Variants in GPC5 observed in about 807,000 individuals in gnomAD.
GPC5 encodes glypican-5.
GPC5 carries 47 observed loss-of-function variants against 53.9 expected under a neutral mutation model. The ratio of observed to expected loss-of-function variants is 0.87; its 90% confidence interval spans 0.69 to 1.11. The LOEUF is 1.11. GPC5 is among the 50% of genes most tolerant of loss of function. The probability of loss-of-function intolerance (pLI) is 0.00; values close to 1 mark genes in which losing one functional copy is unlikely to be tolerated. For missense variants in GPC5, 748 were observed against 713.1 expected, an observed-to-expected ratio of 1.05 and a Z score of -0.56; for synonymous variants, 286 against 263.3, an observed-to-expected ratio of 1.09 and a Z score of -0.84.
intron 1 of GPC5, among the ~76,000 whole-genome samples, chr13:91,431,453 A>C (rs1879442812): frequency 6.6e-6 from 1 of 152,214 alleles, no homozygotes; most frequent in African/African-American, 2.4e-5. Flanking sequence ...AAAATAATTA[A>C]AACAGAAAAT....
intron 7 of GPC5, among the ~76,000 whole-genome samples, chr13:92,726,381 GTGTT>G (rs1370937914): frequency 6.6e-6 from 1 of 151,070 alleles, no homozygotes; most frequent in Non-Finnish European, 1.5e-5. Context: ...CTATTTTTTT[GTGTT>G]TGTTTATTGT....
intron 2 of GPC5, among the ~76,000 whole-genome samples, chr13:91,584,514 CT>C (rs1167310042): frequency 6.6e-6 from 1 of 151,732 alleles, no homozygotes; most frequent in African/African-American, 2.4e-5. Flanking sequence ...ATAAGGAATA[CT>C]TTTTTTAGAA....
chr13:92,720,608 T>G (rs566206194), intron 7 of GPC5, among the ~76,000 whole-genome samples: 1 of 152,222 alleles, frequency 6.6e-6, no homozygotes, highest in African/African-American at 2.4e-5. Context: ...AGGAAAAAAT[T>G]GATGTTACAT....
At chr13:92,729,210 A>G (rs2139296922) in intron 7 of GPC5, among the ~76,000 whole-genome samples, 1 of 151,442 alleles carries the variant, frequency 6.6e-6, no homozygotes, top group African/African-American at 2.4e-5. Flanking sequence ...ACTTTCTCTG[A>G]ATTCCCTAAG....
chr13:92,821,349 G>A (rs988450050), intron 7 of GPC5, among the ~76,000 whole-genome samples: 11 of 152,076 alleles, frequency 7.2e-5, no homozygotes, highest in Non-Finnish European at 1.5e-4. Context: ...AATTATGCAT[G>A]CATTTCCTCT....
chr13:92,766,294 C>T (rs1438125063), intron 7 of GPC5, among the ~76,000 whole-genome samples: 2 of 152,084 alleles, frequency 1.3e-5, no homozygotes, highest in African/African-American at 4.8e-5. Flanking sequence ...TCCACCCACC[C>T]ACCCACACCA....
At chr13:92,698,365 G>A (rs1006284197) in intron 7 of GPC5, among the ~76,000 whole-genome samples, 5 of 151,642 alleles carry the variant, frequency 3.3e-5, no homozygotes, top group Non-Finnish European at 5.9e-5. Flanking sequence ...CCCTTCCTGT[G>A]TCCATGTGTT....
rs146573106 is a variant in GPC5, at chr13:91,678,151, G to A, written c.326-15036G>A. Among the ~76,000 whole-genome samples the A allele has an allele frequency of 5.1e-3, 773 of 152,194 alleles. 5 individuals are homozygous for A. Among genetic ancestry groups the A allele is most frequent in the Non-Finnish European group, 7.3e-3 (495 of 68,002 alleles). ...TATTTATTAAACTGTCTGTAACTTC[G>A]GAGTGAATACTTTCAATTCATTTCT... On this transcript the variant is annotated intron_variant, in intron 2 of 7. Transcript: ENST00000377067.
rs191824187 is a variant in GPC5, at chr13:92,017,957, G to A, written c.1401+109900G>A. On this transcript the variant is annotated intron_variant, in intron 6 of 7. Transcript: ENST00000377067. ...ACAAAATGCACACATACACATGCAC[G>A]AGTACATACACGTGCAGCACGAGTA... 2.9e-4 allele frequency among the ~76,000 whole-genome samples: 44 copies of A among 150,590 alleles called. 1 individual carries two copies. The highest frequency in any genetic ancestry group is 1.0e-3 in the African/African-American group (42 of 40,954).
intron 5 of GPC5, among the ~76,000 whole-genome samples, chr13:91,825,889 C>T (rs76867293): frequency 0.044 from 6,715 of 152,158 alleles, 173 homozygotes; most frequent in Middle Eastern, 0.068. Context: ...AAATCTTTGG[C>T]TTACTCCTCA....
intron 7 of GPC5, among the ~76,000 whole-genome samples, chr13:92,242,484 A>T (rs1311498108): frequency 6.6e-6 from 1 of 152,094 alleles, no homozygotes; most frequent in Non-Finnish European, 1.5e-5. Context: ...CTACCTATAG[A>T]AAAATCTTCT....
intron 2 of GPC5, among the ~76,000 whole-genome samples, chr13:91,575,059 G>T (rs1410558479): frequency 6.6e-6 from 1 of 152,098 alleles, no homozygotes; most frequent in Admixed American, 6.6e-5. Flanking sequence ...CAAGAAAAAG[G>T]TCTGAAGAGT....
intron 7 of GPC5, among the ~76,000 whole-genome samples, chr13:92,407,729 G>A (rs1441548297): frequency 6.6e-6 from 1 of 151,976 alleles, no homozygotes; most frequent in East Asian, 1.9e-4. Flanking sequence ...TTCTTTTAAA[G>A]ACTTGAGGAA....
intron 7 of GPC5, among the ~76,000 whole-genome samples, chr13:92,177,420 T>C (rs74655907): frequency 6.2e-4 from 94 of 152,364 alleles, no homozygotes; most frequent in East Asian, 5.4e-3. Context: ...CCTATCTTGA[T>C]GGAAAGTTGA....
At chr13:92,411,510 T>A (rs1876042486) in intron 7 of GPC5, among the ~76,000 whole-genome samples, 1 of 152,208 alleles carries the variant, frequency 6.6e-6, no homozygotes, top group South Asian at 2.1e-4. Context: ...CCAATGGGAA[T>A]TTTGATTTAT....
At chr13:92,619,897 G>T (rs1884816094) in intron 7 of GPC5, among the ~76,000 whole-genome samples, 1 of 151,978 alleles carries the variant, frequency 6.6e-6, no homozygotes, top group Non-Finnish European at 1.5e-5. Flanking sequence ...CTGATTTATT[G>T]AATCACTTGA....
At chr13:92,753,678 A>G (rs1416491204) in intron 7 of GPC5, among the ~76,000 whole-genome samples, 1 of 152,218 alleles carries the variant, frequency 6.6e-6, no homozygotes, top group Non-Finnish European at 1.5e-5. Context: ...AACTACGTGA[A>G]GAATGCAGAA....
intron 7 of GPC5, among the ~76,000 whole-genome samples, chr13:92,498,832 C>T (rs914453904): frequency 2.0e-5 from 3 of 151,996 alleles, no homozygotes; most frequent in Non-Finnish European, 4.4e-5. Flanking sequence ...AATTCTCGTT[C>T]GCATATTATC....
intron 7 of GPC5, among the ~76,000 whole-genome samples, chr13:92,724,135 T>C (rs903402645): frequency 6.6e-6 from 1 of 151,588 alleles, no homozygotes; most frequent in African/African-American, 2.4e-5. Context: ...CTTACTGCTT[T>C]CATAGAAGTT....
Sources: gnomAD v4.1 joint callset for allele counts (sites outside exome capture counted in the v4.1 genomes callset) on GRCh38, gnomAD v4.1.1 for gene constraint, MANE v1.5 for transcripts, NCBI Gene and HGNC (gene_info 2026-07-23, HGNC 2026-07-21) for gene names.